Variants in TAFA4 observed in about 807,000 individuals in gnomAD.
TAFA4 encodes the protein chemokine-like protein TAFA-4.
A neutral mutation model predicts 21.1 loss-of-function variants in TAFA4; 20 were observed. That is an observed-to-expected ratio of 0.95 (90% CI 0.67 to 1.38). The LOEUF is 1.38. Ranked by LOEUF, TAFA4 falls within the 40% of genes most tolerant of loss-of-function variation. The probability of loss-of-function intolerance (pLI) is 0.00; values close to 1 mark genes in which losing one functional copy is unlikely to be tolerated. For synonymous variants in TAFA4, 71 were observed against 67.4 expected, an observed-to-expected ratio of 1.05 and a Z score of -0.26; for missense variants, 211 against 180.9, an observed-to-expected ratio of 1.17 and a Z score of -0.95.
At chr3:68,795,508 G>C (rs768061952) in intron 3 of TAFA4, among the ~76,000 whole-genome samples, 2 of 152,128 alleles carry the variant, frequency 1.3e-5, no homozygotes, top group Non-Finnish European at 2.9e-5. Context: ...ACCCAAGCAA[G>C]ACCCCAGTTA....
At chr3:68,812,424 A>C (rs1434945536) in intron 3 of TAFA4, among the ~76,000 whole-genome samples, 1 of 152,228 alleles carries the variant, frequency 6.6e-6, no homozygotes, top group African/African-American at 2.4e-5. Context: ...TGTATTCAGG[A>C]AATCCATCTC....
At chr3:68,931,245 G>C (rs2090154571) in intron 1 of TAFA4, among the ~76,000 whole-genome samples, 1 of 152,038 alleles carries the variant, frequency 6.6e-6, no homozygotes, top group Non-Finnish European at 1.5e-5. Context: ...AGGGAAAAGA[G>C]TTCAGGGATA....
chr3:68,864,548 C>G (rs1420241980), intron 3 of TAFA4, among the ~76,000 whole-genome samples: 1 of 152,080 alleles, frequency 6.6e-6, no homozygotes, highest in African/African-American at 2.4e-5. Flanking sequence ...TCTTAAAAGT[C>G]AAACATACAC....
Position 68,743,445 on chromosome 3 carries a change from G to A in TAFA4, c.287-4246C>T, listed in dbSNP as rs543179494. On this transcript the variant is annotated intron_variant, in intron 4 of 5. Transcript: ENST00000295569. Reference sequence around the variant, plus strand: ...GCGAACATTCACTGGGCATGGTGGTGTGCACCTGTAGTTCCAGCTACTCAG... The same window carrying A: ...GCGAACATTCACTGGGCATGGTGGTATGCACCTGTAGTTCCAGCTACTCAG... Among the ~76,000 whole-genome samples the A allele has an allele frequency of 4.6e-5, 7 of 151,990 alleles. No homozygotes were observed. In the South Asian group the frequency reaches 1.5e-3, roughly 32 times the overall value.
intron 3 of TAFA4, among the ~76,000 whole-genome samples, chr3:68,841,344 A>AAAG (rs376327182): frequency 0.2 from 14,161 of 72,488 alleles, 3,306 homozygotes; most frequent in African/African-American, 0.27. Flanking sequence ...AAATAAAAAA[A>AAAG]AATAAAATCC....
At chr3:68,892,767 G>T (rs945888104) in intron 1 of TAFA4, among the ~76,000 whole-genome samples, 6 of 152,122 alleles carry the variant, frequency 3.9e-5, no homozygotes, top group African/African-American at 1.2e-4. Flanking sequence ...ATGGATATAT[G>T]GTCAAACCAC....
chr3:68,802,938 T>C (rs1360313112), intron 3 of TAFA4, among the ~76,000 whole-genome samples: 1 of 152,218 alleles, frequency 6.6e-6, no homozygotes, highest in African/African-American at 2.4e-5. Flanking sequence ...TTTGGCAATT[T>C]GCTGTCAAAA....
chr3:68,746,246 C>T (rs1264478758), intron 4 of TAFA4, among the ~76,000 whole-genome samples: 1 of 152,144 alleles, frequency 6.6e-6, no homozygotes, highest in Non-Finnish European at 1.5e-5. Flanking sequence ...CCCGGCTCCT[C>T]AGCTTGCAGA....
At chr3:68,786,274 A>G (rs547895167) in intron 3 of TAFA4, among the ~76,000 whole-genome samples, 1 of 152,370 alleles carries the variant, frequency 6.6e-6, no homozygotes, top group South Asian at 2.1e-4. Context: ...AAATTTTAAA[A>G]AAAGAAAATT....
intron 1 of TAFA4, among the ~76,000 whole-genome samples, chr3:68,891,333 A>G (rs2089728603): frequency 6.6e-6 from 1 of 152,232 alleles, no homozygotes; most frequent in Admixed American, 6.5e-5. Context: ...ACAAACAAAT[A>G]GCCCAAGTGC....
chr3:68,776,289 G>A (rs62254089), intron 3 of TAFA4, among the ~76,000 whole-genome samples: 41,875 of 151,940 alleles, frequency 0.28, 7,142 homozygotes, highest in Non-Finnish European at 0.39. Context: ...TTCACTGTGA[G>A]AAACAGGAAA....
At chr3:68,857,410 G>A (rs1705094358) in intron 3 of TAFA4, among the ~76,000 whole-genome samples, 1 of 152,076 alleles carries the variant, frequency 6.6e-6, no homozygotes, top group Non-Finnish European at 1.5e-5. Context: ...AATTTGAAAA[G>A]AAGATAAACA....
chr3:68,750,047 C>T (rs952676807), intron 4 of TAFA4, among the ~76,000 whole-genome samples: 8 of 152,166 alleles, frequency 5.3e-5, no homozygotes, highest in African/African-American at 1.4e-4. Flanking sequence ...AGGACTGGTC[C>T]GTATCACTGA....
intron 3 of TAFA4, among the ~76,000 whole-genome samples, chr3:68,761,560 T>G (rs1218838842): frequency 6.6e-6 from 1 of 152,184 alleles, no homozygotes; most frequent in African/African-American, 2.4e-5. Context: ...AAGGAGATGA[T>G]GCCAGAAAGA....
At chr3:68,814,928 A>G (rs2106851846) in intron 3 of TAFA4, among the ~76,000 whole-genome samples, 2 of 152,358 alleles carry the variant, frequency 1.3e-5, no homozygotes, top group East Asian at 1.9e-4. Context: ...ACAAGGCTAC[A>G]GTAACCAAAA....
intron 3 of TAFA4, among the ~76,000 whole-genome samples, chr3:68,879,124 C>G (rs1159247940): frequency 6.6e-6 from 1 of 152,174 alleles, no homozygotes; most frequent in Non-Finnish European, 1.5e-5. Flanking sequence ...TTGGCCAGCA[C>G]TAACCATGAA....
At chr3:68,908,384 G>A (rs989549511) in intron 1 of TAFA4, among the ~76,000 whole-genome samples, 2 of 152,086 alleles carry the variant, frequency 1.3e-5, no homozygotes, top group Non-Finnish European at 2.9e-5. Flanking sequence ...GGGAAGCCAC[G>A]AGGCTCTATC....
chr3:68,839,992 T>C (rs1359504697), intron 3 of TAFA4, among the ~76,000 whole-genome samples: 1 of 152,174 alleles, frequency 6.6e-6, no homozygotes, highest in Non-Finnish European at 1.5e-5. Context: ...GTGGCTGTCT[T>C]ACGCCCTCCT....
intron 3 of TAFA4, among the ~76,000 whole-genome samples, chr3:68,822,062 G>T (rs1411755259): frequency 6.6e-6 from 1 of 152,156 alleles, no homozygotes; most frequent in East Asian, 1.9e-4. Context: ...GGCAGGTGTG[G>T]ACAGCTGTGA....
Sources: allele counts gnomAD v4.1 joint callset (sites outside exome capture counted in the v4.1 genomes callset), GRCh38; gene constraint gnomAD v4.1.1; transcripts MANE v1.5; gene names NCBI Gene and HGNC (gene_info 2026-07-23, HGNC 2026-07-21).